Variants in ITGAX observed in about 807,000 individuals in gnomAD.
The protein encoded by ITGAX is integrin subunit alpha X.
Under a neutral mutation model 140.2 loss-of-function variants are expected in ITGAX, and 99 were observed. The observed-to-expected ratio is 0.71, with a 90% CI of 0.60 to 0.83. The LOEUF is 0.83. Among genes scored for constraint, ITGAX ranks in the 40% least tolerant of loss-of-function variants. The pLI, the probability that ITGAX is intolerant of heterozygous loss-of-function variation, is 0.00. For synonymous variants in ITGAX, 631 were observed against 600.4 expected, an observed-to-expected ratio of 1.05 and a Z score of -0.75; for missense variants, 1,444 against 1,482.0, an observed-to-expected ratio of 0.97 and a Z score of 0.42.
intron 17 of ITGAX, among the ~76,000 whole-genome samples, chr16:31,372,121 CA>C: frequency 6.8e-6 from 1 of 147,932 alleles, no homozygotes; most frequent in South Asian, 2.1e-4. Flanking sequence ...CCCTGGGGGC[CA>C]GGGGCATAGG....
At chr16:31,361,733 T>A in intron 9 of ITGAX, 103 bp from the exon 10 acceptor site, 1 of 1,252,294 alleles carries the variant, frequency 8.0e-7, no homozygotes, top group Non-Finnish European at 1.2e-6. Context: ...GCACCAGCTC[T>A]CCCTGTAGCC....
At chr16:31,367,571 T>A (rs983069643) in intron 14 of ITGAX, among the ~76,000 whole-genome samples, 3 of 152,206 alleles carry the variant, frequency 2.0e-5, no homozygotes, top group Non-Finnish European at 2.9e-5. Flanking sequence ...ACAGCACATC[T>A]GTTTATAGCA....
Position 31,360,921 on chromosome 16 carries a change from T to G in ITGAX, c.862-142T>G, listed in dbSNP as rs975811710. On this transcript the variant is annotated intron_variant, in intron 8 of 29. Coordinates refer to ENST00000268296, the MANE Select transcript of ITGAX (RefSeq NM_000887.5). ...TGATCCTTTCTCCTAAACTCCCTGA[T>G]GCTGTCCGGGCTTCGTGTTTCTCCT... The G allele has an allele frequency of 1.6e-5, 12 of 765,378 alleles. No homozygotes were observed. In the African/African-American group the frequency reaches 2.1e-4, roughly 13 times the overall value. 47.4% of individuals were successfully genotyped at this position (765,378 alleles called of 1,614,324 possible). A position where few individuals can be genotyped will look rare whatever the true frequency, so the allele number is the denominator to read the frequency against.
Position 31,359,827 on chromosome 16 carries a change from C to T in ITGAX, c.558C>T (p.Thr186=). 1 of 1,614,196 alleles carries T rather than the reference C, an allele frequency of 6.2e-7. No homozygotes were observed. Among genetic ancestry groups the T allele is most frequent in the Non-Finnish European group, 8.5e-7 (1 of 1,180,044 alleles). Residue 186 remains threonine, a synonymous_variant, in exon 6 of 30, where the codon ACC becomes ACT. Transcript: ENST00000268296. The part of the protein sequence containing the change: ...AVISQFQRPS[T]QFSLMQFSNK... The stretch of plus-strand genomic sequence containing the variant: ...TAAGCCAGTTCCAGAGACCCAGCAC[C>T]CAGGTGTGCCTTTGGGGGAGGGAGG...
chr16:31,372,947 C>T, intron 19 of ITGAX, among the ~76,000 whole-genome samples: 1 of 119,726 alleles, frequency 8.4e-6, no homozygotes, highest in Non-Finnish European at 1.7e-5. Context: ...AACAACATCA[C>T]TTGAGTGTGG....
intron 15 of ITGAX, 40 bp downstream of exon 15, chr16:31,371,254 A>G (rs1018057221): frequency 6.2e-7 from 1 of 1,605,092 alleles, no homozygotes. Context: ...AGGTGGTCCT[A>G]GGTTCAGATG....
intron 23 of ITGAX, among the ~76,000 whole-genome samples, chr16:31,378,301 G>C (rs563641403): frequency 6.6e-6 from 1 of 152,350 alleles, no homozygotes; most frequent in South Asian, 2.1e-4. Flanking sequence ...GTGTCCCACA[G>C]AGCCCTGGCA....
chr16:31,379,975 C>T lies in ITGAX; in HGVS notation c.2977-7C>T, dbSNP rs546705356. 19 of 1,613,628 alleles carry T rather than the reference C, an allele frequency of 1.2e-5. No homozygotes were observed. The African/African-American group carries it at 2.0e-4, about 17-fold the overall frequency. On this transcript the variant is annotated splice_polypyrimidine_tract_variant and splice_region_variant and intron_variant, in intron 25 of 29. Transcript: ENST00000268296. ...CTGAGACACTTGTTCTCTGCATTTT[C>T]CCCCAGAACCCATCCCTTCGGTGCT... is the stretch of plus-strand genomic sequence containing the variant.
In ITGAX at chr16:31,355,276, C is replaced by T; in HGVS notation, c.22C>T (p.Leu8Phe). The change falls in exon 1 of 30, where the codon CTC becomes TTC. Residue 8 changes from leucine to phenylalanine, a missense_variant. Physicochemically the swap from Leu to Phe is conservative, Grantham distance 22. Transcript: ENST00000268296. ...AGTCATGACCAGGACCAGGGCAGCA[C>T]TCCTCCTGTTCACAGGTGAGCCTGG... MTRTRAA[L>F]LLFTALATSL... 1 of 1,613,890 alleles carries T rather than the reference C, an allele frequency of 6.2e-7. No homozygotes were observed. Among genetic ancestry groups the T allele is most frequent in the East Asian group, 2.2e-5 (1 of 44,872 alleles).
chr16:31,355,900 A>G lies in ITGAX; in HGVS notation c.45A>G (p.Ala15=), dbSNP rs2080754189. The part of the protein sequence containing the change: ...RAALLLFTAL[A]TSLGFNLDTE... ...TTCCCACCTCTTTCCCAGCCTTAGC[A>G]ACTTCTCTAGGTTTCAACTTGGACA... Residue 15 remains alanine (A), a synonymous_variant, in exon 2 of 30, where the codon GCA becomes GCG. Transcript: ENST00000268296. The G allele has an allele frequency of 6.2e-7, 1 of 1,613,228 alleles. No homozygotes were observed. The highest frequency in any genetic ancestry group is 8.5e-7 in the Non-Finnish European group (1 of 1,179,376).
At chr16:31,364,895 T>C (rs1387623750) in intron 14 of ITGAX, among the ~76,000 whole-genome samples, 2 of 150,020 alleles carry the variant, frequency 1.3e-5, no homozygotes, top group Non-Finnish European at 3.0e-5. Flanking sequence ...GGTGGGTGCC[T>C]GTAATCCCAG....
At chr16:31,369,291 C>A (rs1200833213) in intron 14 of ITGAX, among the ~76,000 whole-genome samples, 2 of 72,258 alleles carry the variant, frequency 2.8e-5, no homozygotes, top group South Asian at 9.4e-4. Flanking sequence ...GGGGGCTGAC[C>A]CCCCCCCCCA....
chr16:31,380,791 G>T, intron 28 of ITGAX, 106 bp from the exon 29 acceptor site: 1 of 1,272,684 alleles, frequency 7.9e-7, no homozygotes, highest in Non-Finnish European at 1.1e-6. Flanking sequence ...ACCTCTTGGA[G>T]CAGGGCCTGG....
chr16:31,357,814 CGT>C (rs1007080060), intron 5 of ITGAX: 312 of 395,844 alleles, frequency 7.9e-4, no homozygotes, highest in African/African-American at 3.1e-3. Flanking sequence ...GTGTGAGCAA[CGT>C]GTGTGTGTGT....
rs184566155 is a variant in ITGAX at position 31,378,247 on chromosome 16, C to T, written c.2789+982C>T. Among the ~76,000 whole-genome samples, 16 of 152,336 alleles carry T rather than the reference C, an allele frequency of 1.1e-4. No individual in the cohort carries two copies. The East Asian group carries it at 3.1e-3, about 29-fold the overall frequency. ...ACTGGGAAGGGGCAATGCTCAGTAG[C>T]ATTTGGTCAACAGCGTCAGCCTGGG... On this transcript the variant is annotated intron_variant, in intron 23 of 29. Coordinates refer to ENST00000268296, the MANE Select transcript of ITGAX (RefSeq NM_000887.5).
At chr16:31,355,431 T>G in intron 1 of ITGAX, 140 bp downstream of exon 1, 1 of 862,586 alleles carries the variant, frequency 1.2e-6, no homozygotes, top group Non-Finnish European at 1.8e-6. Flanking sequence ...GGCAGGCACA[T>G]AGGGTCTGAG....
At chr16:31,379,079 G>A (rs2081045011) in intron 23 of ITGAX, among the ~76,000 whole-genome samples, 1 of 152,072 alleles carries the variant, frequency 6.6e-6, no homozygotes, top group Non-Finnish European at 1.5e-5. Context: ...GCCTGTCAAA[G>A]TGCTGGGATT....
chr16:31,369,295 C>T (rs1390985565), intron 14 of ITGAX, among the ~76,000 whole-genome samples: 1 of 150,198 alleles, frequency 6.7e-6, no homozygotes, highest in East Asian at 2.0e-4. Flanking sequence ...GCTGACCCCC[C>T]CCCCCACCTC....
At chr16:31,377,792 G>A (rs2081034128) in intron 23 of ITGAX, among the ~76,000 whole-genome samples, 1 of 152,254 alleles carries the variant, frequency 6.6e-6, no homozygotes, top group South Asian at 2.1e-4. Flanking sequence ...CATGGCAGGT[G>A]TGACTCTGTG....
Sources: gnomAD v4.1 joint callset for allele counts (sites outside exome capture counted in the v4.1 genomes callset) on GRCh38, gnomAD v4.1.1 for gene constraint, MANE v1.5 for transcripts, NCBI Gene and HGNC (gene_info 2026-07-23, HGNC 2026-07-21) for gene names.